CNTN4: variants seen among roughly 807,000 people sequenced by gnomAD.
CNTN4 encodes the protein contactin 4.
Under a neutral mutation model 122.5 loss-of-function variants are expected in CNTN4, and 77 were observed. That is an observed-to-expected ratio of 0.63 (90% confidence interval 0.52 to 0.76). The LOEUF (loss-of-function observed/expected upper bound fraction) is 0.76, where lower values mean the gene tolerates loss of function less well. CNTN4 is among the 30% of genes least tolerant of loss of function. The pLI, the probability that CNTN4 is intolerant of heterozygous loss-of-function variation, is 0.00. For synonymous variants in CNTN4, 512 were observed against 447.0 expected, an observed-to-expected ratio of 1.15 and a Z score of -1.83; for missense variants, 1,256 against 1,259.1, an observed-to-expected ratio of 1.00 and a Z score of 0.04.
intron 5 of CNTN4, among the ~76,000 whole-genome samples, chr3:2,738,765 G>A (rs2320958): frequency 0.22 from 34,028 of 151,980 alleles, 3,976 homozygotes; most frequent in Admixed American, 0.31. Context: ...AATCAATTCC[G>A]AGTGTATAGA....
chr3:2,156,329 A>G (rs574666464), intron 2 of CNTN4, among the ~76,000 whole-genome samples: 1 of 152,258 alleles, frequency 6.6e-6, no homozygotes, highest in South Asian at 2.1e-4. Context: ...TTCAGAAGAG[A>G]AATTGCGCTT....
At chr3:2,899,419 A>G (rs1419892198) in intron 10 of CNTN4, among the ~76,000 whole-genome samples, 1 of 152,216 alleles carries the variant, frequency 6.6e-6, no homozygotes, top group Admixed American at 6.5e-5. Context: ...CTTGGTAGGC[A>G]TTACCCTGTA....
intron 2 of CNTN4, among the ~76,000 whole-genome samples, chr3:2,318,576 TGTGTA>T (rs1280510357): frequency 3.9e-5 from 6 of 152,284 alleles, no homozygotes; most frequent in African/African-American, 1.4e-4. Flanking sequence ...TGCTTCAGGA[TGTGTA>T]GTACTGTCTC....
chr3:2,399,834 G>A (rs1259475028), intron 3 of CNTN4, among the ~76,000 whole-genome samples: 3 of 152,078 alleles, frequency 2.0e-5, no homozygotes, highest in Non-Finnish European at 4.4e-5. Flanking sequence ...TCAATGAAGA[G>A]TGAAAATCAA....
chr3:2,398,524 C>A (rs1271107928), intron 3 of CNTN4, among the ~76,000 whole-genome samples: 3 of 152,008 alleles, frequency 2.0e-5, no homozygotes, highest in Non-Finnish European at 2.9e-5. Flanking sequence ...ATTATATTGC[C>A]ATTGAGGGGA....
chr3:2,199,229 C>G (rs568088699), intron 2 of CNTN4, among the ~76,000 whole-genome samples: 2 of 152,138 alleles, frequency 1.3e-5, no homozygotes, highest in Non-Finnish European at 2.9e-5. Flanking sequence ...AGCTAACCTC[C>G]TGCATGAAGG....
chr3:2,967,639 C>T (rs1029077934), intron 13 of CNTN4, among the ~76,000 whole-genome samples: 17 of 152,078 alleles, frequency 1.1e-4, no homozygotes, highest in African/African-American at 2.7e-4. Context: ...TAGGTCAGAT[C>T]GCTTTTCACT....
intron 3 of CNTN4, among the ~76,000 whole-genome samples, chr3:2,557,455 T>C (rs1010454239): frequency 6.6e-6 from 1 of 152,148 alleles, no homozygotes; most frequent in Middle Eastern, 3.2e-3. Flanking sequence ...AGGCCAGGCA[T>C]GGTGGCTCAC....
chr3:2,147,622 C>G lies in CNTN4; in HGVS notation c.-145+46983C>G, dbSNP rs371936058. On this transcript the variant is annotated intron_variant, in intron 2 of 24. Coordinates refer to ENST00000418658, the MANE Select transcript of CNTN4 (RefSeq NM_175607.3). ...AGATGCCAGTGAGGTCTTTCTCAGT[C>G]AGTGCTTCAATCCCATTATTTCCCA... Among the ~76,000 whole-genome samples the G allele has an allele frequency of 3.3e-4, 50 of 152,256 alleles. No homozygotes were observed. The South Asian group carries it at 0.01, about 31-fold the overall frequency.
chr3:2,522,149 T>TGTGTGTGTG (rs1553678903), intron 3 of CNTN4, among the ~76,000 whole-genome samples: 32 of 63,462 alleles, frequency 5.0e-4, no homozygotes, highest in East Asian at 5.8e-3. Flanking sequence ...CCTAAGCAGT[T>TGTGTGTGTG]TGTGTGTGTG....
At chr3:2,737,609 G>C (rs1020413580) in intron 5 of CNTN4, among the ~76,000 whole-genome samples, 37 of 152,202 alleles carry the variant, frequency 2.4e-4, no homozygotes, top group Non-Finnish European at 1.2e-4. Context: ...AATGTCAGAA[G>C]TCTACAAGTA....
intron 8 of CNTN4, chr3:2,882,771 A>C (rs1322816943): frequency 4.7e-6 from 1 of 212,572 alleles, no homozygotes; most frequent in African/African-American, 2.3e-5. Context: ...TACTTTTATT[A>C]ATAAATCTTA....
intron 2 of CNTN4, among the ~76,000 whole-genome samples, chr3:2,301,723 C>G (rs1005957730): frequency 2.0e-5 from 3 of 152,214 alleles, no homozygotes; most frequent in African/African-American, 7.2e-5. Flanking sequence ...TTAACTGACT[C>G]AGATGCCCAC....
At chr3:2,917,890 T>G (rs910858431) in intron 12 of CNTN4, among the ~76,000 whole-genome samples, 4 of 143,534 alleles carry the variant, frequency 2.8e-5, no homozygotes, top group African/African-American at 1.0e-4. Context: ...ACAAAACCTC[T>G]ATCAGTCATG....
chr3:2,883,970 A>G (rs965515948), intron 9 of CNTN4, among the ~76,000 whole-genome samples: 18 of 152,180 alleles, frequency 1.2e-4, no homozygotes, highest in Non-Finnish European at 2.1e-4. Context: ...CTGAAGTGAG[A>G]ATTTTGACAT....
rs79278357 is a variant in CNTN4, at chr3:2,688,685, A to G, written c.56-47530A>G. On this transcript the variant is annotated intron_variant, in intron 4 of 24. Coordinates refer to ENST00000418658, the MANE Select transcript of CNTN4 (RefSeq NM_175607.3). ...CTCTTCAGCAAGGTTAGAGGCGTGA[A>G]TAGTCTCATCCAGTTACCAGCTGAA... is the stretch of plus-strand genomic sequence containing the variant. Among the ~76,000 whole-genome samples, 1,434 of 152,298 alleles carry G rather than the reference A, an allele frequency of 9.4e-3. 21 individuals are homozygous for G. The highest frequency in any genetic ancestry group is 0.033 in the East Asian group (168 of 5,162).
intron 2 of CNTN4, among the ~76,000 whole-genome samples, chr3:2,319,844 A>G (rs2150202021): frequency 6.6e-6 from 1 of 152,316 alleles, no homozygotes; most frequent in South Asian, 2.1e-4. Context: ...TTTGGTGTAT[A>G]TAGAGACCCT....
At chr3:2,118,662 A>C (rs2033532145) in intron 2 of CNTN4, among the ~76,000 whole-genome samples, 1 of 152,166 alleles carries the variant, frequency 6.6e-6, no homozygotes, top group African/African-American at 2.4e-5. Context: ...AAATGTTGCT[A>C]AGCTTCCAGA....
At chr3:2,290,419 C>A (rs1333506763) in intron 2 of CNTN4, among the ~76,000 whole-genome samples, 1 of 152,116 alleles carries the variant, frequency 6.6e-6, no homozygotes, top group African/African-American at 2.4e-5. Flanking sequence ...TACATTTATA[C>A]GTACAACACC....
Sources: gnomAD v4.1 joint callset for allele counts (sites outside exome capture counted in the v4.1 genomes callset) on GRCh38, gnomAD v4.1.1 for gene constraint, MANE v1.5 for transcripts, NCBI Gene and HGNC (gene_info 2026-07-23, HGNC 2026-07-21) for gene names.